RIMBP2: variants seen among roughly 807,000 people sequenced by gnomAD.
RIMBP2 encodes RIMS-binding protein 2.
Under a neutral mutation model 118.6 loss-of-function variants are expected in RIMBP2, and 48 were observed. The ratio of observed to expected loss-of-function variants is 0.40; its 90% CI spans 0.32 to 0.51. The LOEUF is 0.51. RIMBP2 is among the 20% of genes least tolerant of loss of function. RIMBP2 has a pLI of 0.41. For synonymous variants in RIMBP2, 762 were observed against 742.9 expected, an observed-to-expected ratio of 1.03 and a Z score of -0.42; for missense variants, 1,551 against 1,768.3, an observed-to-expected ratio of 0.88 and a Z score of 2.20.
intron 1 of RIMBP2, among the ~76,000 whole-genome samples, chr12:130,684,385 C>T (rs1251693366): frequency 3.3e-5 from 5 of 152,210 alleles, no homozygotes; most frequent in Non-Finnish European, 5.9e-5. Context: ...TCCTGAGGGC[C>T]GTGTCACAGG....
intron 1 of RIMBP2, among the ~76,000 whole-genome samples, chr12:130,704,790 G>C (rs912581926): frequency 6.6e-6 from 1 of 152,106 alleles, no homozygotes; most frequent in Non-Finnish European, 1.5e-5. Flanking sequence ...ACGGGCCGAG[G>C]CTCCGGGGCT....
At position 130,397,175 on chromosome 12, in the gene RIMBP2, C is replaced by G; in HGVS notation, c.*186G>C. ...AATGAGAGCAGACTGCCAGCGGTGACAGAGAGCAACCGCTCCTCTTTGTTC... is the reference window on the plus strand; with the variant it reads ...AATGAGAGCAGACTGCCAGCGGTGAGAGAGAGCAACCGCTCCTCTTTGTTC... On this transcript the variant is annotated 3_prime_UTR_variant, in exon 23 of 23. Coordinates refer to ENST00000690449, the MANE Select transcript of RIMBP2 (RefSeq NM_001393629.1). 1 of 359,524 alleles carries G rather than the reference C, an allele frequency of 2.8e-6. No individual in the cohort carries two copies. Among genetic ancestry groups the G allele is most frequent in the Non-Finnish European group, 5.0e-6 (1 of 201,774 alleles). 22.3% of individuals were successfully genotyped at this position (359,524 alleles called of 1,614,324 possible). A position where few individuals can be genotyped will look rare whatever the true frequency, so the allele number is the denominator to read the frequency against.
At chr12:130,438,018 C>T (rs73152906) in intron 12 of RIMBP2, among the ~76,000 whole-genome samples, 8,102 of 152,240 alleles carry the variant, frequency 0.053, 268 homozygotes, top group Middle Eastern at 0.078. Flanking sequence ...AGGCGGGACG[C>T]GCCTTCGGCC....
intron 2 of RIMBP2, among the ~76,000 whole-genome samples, chr12:130,532,119 G>A (rs933846401): frequency 6.7e-6 from 1 of 149,596 alleles, no homozygotes; most frequent in African/African-American, 2.5e-5. Context: ...AATGAGATGC[G>A]TGTGTGTAGC....
intron 2 of RIMBP2, among the ~76,000 whole-genome samples, chr12:130,547,877 T>G (rs902123611): frequency 1.3e-5 from 2 of 152,236 alleles, no homozygotes; most frequent in Admixed American, 1.3e-4. Flanking sequence ...TTTAAGCTTC[T>G]AAGCAGGAGG....
rs189689751 is a variant in RIMBP2, at chr12:130,704,452, G to A, written c.-352+11770C>T. Among the ~76,000 whole-genome samples, 356 of 152,186 alleles carry A rather than the reference G, an allele frequency of 2.3e-3. 1 individual carries two copies. The highest frequency in any genetic ancestry group is 8.1e-3 in the African/African-American group (335 of 41,520). ...TAGCCAGGCATGGTGGCGGGCACCTGTAATCCCAGCTACTTTGGAGGCTGA... is the reference window on the plus strand; with the variant it reads ...TAGCCAGGCATGGTGGCGGGCACCTATAATCCCAGCTACTTTGGAGGCTGA... On this transcript the variant is annotated intron_variant, in intron 1 of 22. Coordinates refer to ENST00000690449, the MANE Select transcript of RIMBP2 (RefSeq NM_001393629.1).
intron 1 of RIMBP2, among the ~76,000 whole-genome samples, chr12:130,664,470 C>CACGCACAT (rs1555320966): frequency 1.3e-4 from 20 of 150,018 alleles, no homozygotes; most frequent in South Asian, 1.3e-3. Flanking sequence ...CGCACACACA[C>CACGCACAT]GCACGCACAC....
intron 1 of RIMBP2, among the ~76,000 whole-genome samples, chr12:130,690,271 C>G (rs1415497634): frequency 6.6e-6 from 1 of 152,140 alleles, no homozygotes; most frequent in Non-Finnish European, 1.5e-5. Context: ...ATCATGGACA[C>G]AGAGAGAGAC....
rs1279792929 is a variant in RIMBP2 at position 130,646,120 on chromosome 12, C to T, written c.-351-17664G>A. Among the ~76,000 whole-genome samples, 67 of 116,436 alleles carry T rather than the reference C, an allele frequency of 5.8e-4. 1 individual carries two copies. The highest frequency in any genetic ancestry group is 1.4e-3 in the African/African-American group (47 of 32,446). The allele number at this position is 116,436 out of a possible 152,430, so 76.4% of individuals were successfully genotyped here. ...CCACCTCCCTCTCCACCTCCCTCAC[C>T]ACCTGCCTCTCCACCTCCCTCACCA... is the stretch of plus-strand genomic sequence containing the variant. On this transcript the variant is annotated intron_variant, in intron 1 of 22. Transcript: ENST00000690449.
intron 4 of RIMBP2, among the ~76,000 whole-genome samples, chr12:130,500,459 A>G (rs370195049): frequency 1.6e-4 from 24 of 152,346 alleles, no homozygotes; most frequent in African/African-American, 5.3e-4. Flanking sequence ...CTCCTTCTCA[A>G]AGAAAAAACA....
chr12:130,601,856 A>T (rs537815763), intron 2 of RIMBP2, among the ~76,000 whole-genome samples: 109 of 152,340 alleles, frequency 7.2e-4, no homozygotes, highest in African/African-American at 2.4e-3. Context: ...TCAGTATGCA[A>T]ATAGGTGTGA....
chr12:130,562,067 A>G (rs2056861877), intron 2 of RIMBP2, among the ~76,000 whole-genome samples: 2 of 152,220 alleles, frequency 1.3e-5, no homozygotes, highest in African/African-American at 4.8e-5. Context: ...AATCAGACAC[A>G]CAAGGAGGGG....
intron 1 of RIMBP2, among the ~76,000 whole-genome samples, chr12:130,631,111 A>G (rs375279600): frequency 1.3e-5 from 2 of 152,324 alleles, no homozygotes. Context: ...GAAATAAAGA[A>G]TCTAGAGAAA....
chr12:130,681,966 G>A (rs1274405883), intron 1 of RIMBP2, among the ~76,000 whole-genome samples: 2 of 152,136 alleles, frequency 1.3e-5, no homozygotes, highest in Non-Finnish European at 2.9e-5. Context: ...CAAAATGCTG[G>A]GATTACAGGA....
chr12:130,421,053 G>C (rs2136662845), intron 17 of RIMBP2: 1 of 152,354 alleles, frequency 6.6e-6, no homozygotes, highest in African/African-American at 2.4e-5. Context: ...GAGAATGAGA[G>C]CCTTGAACAG....
At chr12:130,556,016 C>T (rs2056318207) in intron 2 of RIMBP2, among the ~76,000 whole-genome samples, 1 of 152,206 alleles carries the variant, frequency 6.6e-6, no homozygotes, top group African/African-American at 2.4e-5. Flanking sequence ...GCAGGTGAGC[C>T]TCTGCCCCCT....
intron 12 of RIMBP2, among the ~76,000 whole-genome samples, chr12:130,437,506 G>A (rs746853727): frequency 3.3e-5 from 5 of 152,190 alleles, no homozygotes; most frequent in African/African-American, 4.8e-5. Context: ...GACCCAATCA[G>A]TGGTAGAGGG....
intron 2 of RIMBP2, among the ~76,000 whole-genome samples, chr12:130,595,281 G>A (rs573237183): frequency 3.9e-5 from 6 of 152,246 alleles, no homozygotes; most frequent in South Asian, 2.1e-4. Flanking sequence ...CATCTTGGCC[G>A]GGCGCGGTGG....
In RIMBP2 at chr12:130,678,529, T is replaced by A. The variant is rs576764112; in HGVS notation, c.-352+37693A>T. On this transcript the variant is annotated intron_variant, in intron 1 of 22. Coordinates refer to ENST00000690449, the MANE Select transcript of RIMBP2 (RefSeq NM_001393629.1). Reference sequence around the variant, plus strand: ...TGCTGCAGGATTGCACTTTTTTTTTTCTTTTTGAGACAGAGTCTCACTCTG... The same window carrying A: ...TGCTGCAGGATTGCACTTTTTTTTTACTTTTTGAGACAGAGTCTCACTCTG... 2.0e-5 allele frequency among the ~76,000 whole-genome samples: 3 copies of A among 152,178 alleles called. No homozygotes were observed. The South Asian group carries it at 6.2e-4, about 32-fold the overall frequency.
Sources: gnomAD v4.1 joint callset for allele counts (sites outside exome capture counted in the v4.1 genomes callset) on GRCh38, gnomAD v4.1.1 for gene constraint, MANE v1.5 for transcripts, NCBI Gene and HGNC (gene_info 2026-07-23, HGNC 2026-07-21) for gene names.